The following RASD2 variants were observed in gnomAD, a reference collection of about 807,000 sequenced individuals.
RASD2 encodes RASD family member 2, also known as GTP-binding protein Rhes.
In RASD2, 7 loss-of-function variants were observed where a neutral mutation model predicts 15.8. That is an observed-to-expected ratio of 0.44 (90% confidence interval 0.25 to 0.83). The LOEUF is 0.83. Among genes scored for constraint, RASD2 ranks in the 40% least tolerant of loss-of-function variants. RASD2 has a pLI of 0.20. For synonymous variants in RASD2, 155 were observed against 153.6 expected, an observed-to-expected ratio of 1.01 and a Z score of -0.07; for missense variants, 274 against 382.8, an observed-to-expected ratio of 0.72 and a Z score of 2.37.
intron 2 of RASD2, among the ~76,000 whole-genome samples, chr22:35,548,486 G>A (rs534632037): frequency 1.3e-5 from 2 of 152,290 alleles, no homozygotes; most frequent in African/African-American, 4.8e-5. Context: ...TGAAGTTGCT[G>A]AGCAGGGATA....
chr22:35,543,980 C>G lies in RASD2; in HGVS notation c.-10+2480C>G, dbSNP rs539750308. On this transcript the variant is annotated intron_variant, in intron 1 of 2. Transcript: ENST00000216127. ...TCTCTCTGATTCCCTGCCTCTTTGA[C>G]CCTCTGCCTCCTCTCTTTGACTCCC... 8.0e-4 allele frequency among the ~76,000 whole-genome samples: 121 copies of G among 151,176 alleles called. 1 individual carries two copies. The highest frequency in any genetic ancestry group is 6.9e-3 in the Middle Eastern group (2 of 290).
chr22:35,552,496 T>A lies in RASD2; in HGVS notation c.*464T>A. 6.2e-6 allele frequency: 1 copy of A among 162,128 alleles called. No individual in the cohort carries two copies. The highest frequency in any genetic ancestry group is 2.4e-5 in the African/African-American group (1 of 41,692). The allele number at this position is 162,128 out of a possible 1,614,324, so 10.0% of individuals were successfully genotyped here. ...GCTGGGAGAACTTCTCTCCCAGCCCTGCAACTCTTACGCTCTGGTTCAGCT... is the reference window on the plus strand; with the variant it reads ...GCTGGGAGAACTTCTCTCCCAGCCCAGCAACTCTTACGCTCTGGTTCAGCT... On this transcript the variant is annotated 3_prime_UTR_variant, in exon 3 of 3. Coordinates refer to ENST00000216127, the MANE Select transcript of RASD2 (RefSeq NM_014310.4).
intron 2 of RASD2, among the ~76,000 whole-genome samples, chr22:35,550,363 C>T (rs758023993): frequency 6.7e-6 from 1 of 149,268 alleles, no homozygotes; most frequent in Non-Finnish European, 1.5e-5. Context: ...ATCGCTTAAA[C>T]CCAGGAGGTG....
intron 2 of RASD2, among the ~76,000 whole-genome samples, chr22:35,549,778 G>C (rs932854095): frequency 6.6e-6 from 1 of 152,212 alleles, no homozygotes; most frequent in African/African-American, 2.4e-5. Context: ...TTCTGAATGT[G>C]CCATGTGCCA....
In RASD2 at chr22:35,552,326, G is replaced by T; in HGVS notation, c.*294G>T. 2.2e-6 allele frequency: 1 copy of T among 463,782 alleles called. No homozygotes were observed. 28.7% of individuals were successfully genotyped at this position (463,782 alleles called of 1,614,324 possible). A position where few individuals can be genotyped will look rare whatever the true frequency, so the allele number is the denominator to read the frequency against. On this transcript the variant is annotated 3_prime_UTR_variant, in exon 3 of 3. Transcript: ENST00000216127. The stretch of plus-strand genomic sequence containing the variant: ...GTTACACCTTCCTCTCCTGGGGTTG[G>T]AAGAAATGTTGATGCCAGAGGGGTG...
chr22:35,536,327 T>C (rs915191555), upstream of RASD2, among the ~76,000 whole-genome samples: 2 of 136,570 alleles, frequency 1.5e-5, no homozygotes, highest in East Asian at 4.3e-4. Context: ...AAACCGTCTC[T>C]TTTTTTTTTT....
chr22:35,550,899 C>T lies in RASD2; in HGVS notation c.272-604C>T, dbSNP rs1359404266. 4.6e-5 allele frequency among the ~76,000 whole-genome samples: 7 copies of T among 152,178 alleles called. No individual in the cohort carries two copies. In the East Asian group the frequency reaches 1.3e-3, roughly 29 times the overall value. ...TGGAGCATACACCCAGTGCTTAGCC[C>T]CCAGTAGGCCCTCACTCTCATCATT... On this transcript the variant is annotated intron_variant, in intron 2 of 2. Transcript: ENST00000216127.
At chr22:35,550,308 A>G (rs1472450451) in intron 2 of RASD2, among the ~76,000 whole-genome samples, 1 of 151,680 alleles carries the variant, frequency 6.6e-6, no homozygotes, top group Non-Finnish European at 1.5e-5. Context: ...AGGCATGGTG[A>G]CAGGCGCCTG....
rs183488187 is a variant in RASD2 at position 35,549,340 on chromosome 22, G to A, written c.272-2163G>A. The stretch of plus-strand genomic sequence containing the variant: ...TTGTTTTTTTTTCACACACCAACCC[G>A]TGCCTCATTTTCCAACCTGGTGGAA... On this transcript the variant is annotated intron_variant, in intron 2 of 2. Transcript: ENST00000216127. 5.5e-4 allele frequency among the ~76,000 whole-genome samples: 83 copies of A among 152,042 alleles called. 1 individual carries two copies. The highest frequency in any genetic ancestry group is 1.4e-3 in the Admixed American group (22 of 15,288).
At position 35,546,841 on chromosome 22, in the gene RASD2, C is replaced by T. The variant is rs202101216; in HGVS notation, c.32C>T (p.Thr11Met). 1.9e-5 allele frequency: 31 copies of T among 1,613,820 alleles called. No homozygotes were observed. In the East Asian group the frequency reaches 4.5e-4, roughly 23 times the overall value. MMKTLSSGNC[T>M]LSVPAKNSYR... ...AAGACTTTGTCCAGCGGGAACTGCA[C>T]GCTCAGTGTGCCCGCCAAAAACTCA... The change falls in exon 2 of 3, where the codon ACG (threonine) becomes ATG (methionine). Residue 11 changes from threonine (T) to methionine (M), a missense_variant. Thr to Met is a moderately conservative substitution (Grantham distance 81). Coordinates refer to ENST00000216127, the MANE Select transcript of RASD2 (RefSeq NM_014310.4).
At position 35,552,189 on chromosome 22, in the gene RASD2, G is replaced by A; in HGVS notation, c.*157G>A. On this transcript the variant is annotated 3_prime_UTR_variant, in exon 3 of 3. Coordinates refer to ENST00000216127, the MANE Select transcript of RASD2 (RefSeq NM_014310.4). ...CCCGGGCGCTGGCCTCCGCACATTC[G>A]TCTGCCTTCTCACAGCTTTCCTGAG... The A allele has an allele frequency of 3.2e-6, 3 of 943,824 alleles. No homozygotes were observed. The highest frequency in any genetic ancestry group is 3.5e-5 in the South Asian group (2 of 57,128). The allele number at this position is 943,824 out of a possible 1,614,324, so 58.5% of individuals were successfully genotyped here.
the RASD2 span, among the ~76,000 whole-genome samples, chr22:35,534,104 G>A: frequency 1.1e-3 from 165 of 152,334 alleles, no homozygotes; most frequent in African/African-American, 3.9e-3. Context: ...AAGGATAGTT[G>A]TTCAAACACC....
chr22:35,542,622 T>C (rs1333263082), intron 1 of RASD2, among the ~76,000 whole-genome samples: 1 of 152,178 alleles, frequency 6.6e-6, no homozygotes, highest in Admixed American at 6.5e-5. Context: ...GATGGCAATG[T>C]GCGTGTCCAA....
the RASD2 span, among the ~76,000 whole-genome samples, chr22:35,534,620 T>C: frequency 3.9e-5 from 6 of 152,210 alleles, no homozygotes; most frequent in African/African-American, 9.6e-5. Flanking sequence ...ACAGTCATCA[T>C]AGTTCCCTGC....
At position 35,551,478 on chromosome 22, in the gene RASD2, C is replaced by A; in HGVS notation, c.272-25C>A. 6.3e-7 allele frequency: 1 copy of A among 1,594,410 alleles called. No homozygotes were observed. Among genetic ancestry groups the A allele is most frequent in the African/African-American group, 1.3e-5 (1 of 74,646 alleles). ...AGGGGTTGCAGCTGGCCGGTGAACTCACTACCTGGGCTCTCTCCCTGCAGG... is the reference window on the plus strand; with the variant it reads ...AGGGGTTGCAGCTGGCCGGTGAACTAACTACCTGGGCTCTCTCCCTGCAGG... On this transcript the variant is annotated intron_variant, in intron 2 of 2. Coordinates refer to ENST00000216127, the MANE Select transcript of RASD2 (RefSeq NM_014310.4). The surrounding 1 kb of genome is among the most constrained non-coding windows in gnomAD (Gnocchi z 4.9).
upstream of RASD2, among the ~76,000 whole-genome samples, chr22:35,538,986 A>T (rs1289746308): frequency 1.3e-5 from 2 of 152,192 alleles, no homozygotes; most frequent in Admixed American, 1.3e-4. Flanking sequence ...CCACCAGGTG[A>T]CTTTGGGCAC....
chr22:35,545,897 C>T (rs8139398), intron 1 of RASD2, among the ~76,000 whole-genome samples: 24,549 of 151,942 alleles, frequency 0.16, 2,046 homozygotes, highest in South Asian at 0.19. Context: ...GTGGAGCCTG[C>T]GGGTTTGCTT....
upstream of RASD2, among the ~76,000 whole-genome samples, chr22:35,540,486 TG>T (rs988263382): frequency 4.0e-5 from 6 of 149,734 alleles, no homozygotes; most frequent in South Asian, 4.2e-4. Flanking sequence ...GAGCGGGCTC[TG>T]GGGGGCAGAC....
At chr22:35,535,602 G>A in the RASD2 span, among the ~76,000 whole-genome samples, 2 of 152,118 alleles carry the variant, frequency 1.3e-5, no homozygotes, top group East Asian at 1.9e-4. Flanking sequence ...AGACTTCCCA[G>A]AGGCAGTGAT....
Sources: gnomAD v4.1 joint callset for allele counts (sites outside exome capture counted in the v4.1 genomes callset) on GRCh38, gnomAD v4.1.1 for gene constraint, Gnocchi (gnomAD v3.1) non-coding constraint, MANE v1.5 for transcripts, NCBI Gene and HGNC (gene_info 2026-07-23, HGNC 2026-07-21) for gene names.